SNTG1: variants seen among roughly 807,000 people sequenced by gnomAD.
The protein encoded by SNTG1 is gamma-1-syntrophin.
In SNTG1, 39 loss-of-function variants were observed where a neutral mutation model predicts 74.7. That is an observed-to-expected ratio of 0.52 (90% CI 0.40 to 0.68). SNTG1 has a LOEUF of 0.68. Among genes scored for constraint, SNTG1 ranks in the 30% least tolerant of loss-of-function variants. The pLI is 0.00. For missense variants in SNTG1, 685 were observed against 609.5 expected (o/e 1.12, Z -1.30); for synonymous variants, 254 against 217.1 (o/e 1.17, Z -1.49).
intron 17 of SNTG1, among the ~76,000 whole-genome samples, chr8:50,742,685 A>T (rs2095546117): frequency 6.6e-6 from 1 of 151,772 alleles, no homozygotes; most frequent in African/African-American, 2.4e-5. Context: ...AATAAAGATT[A>T]TAGTTGAAAA....
chr8:50,720,869 G>T (rs2095486146), intron 17 of SNTG1, among the ~76,000 whole-genome samples: 1 of 151,970 alleles, frequency 6.6e-6, no homozygotes, highest in South Asian at 2.1e-4. Flanking sequence ...TGTTGTTTTT[G>T]TTTTTTACCT....
intron 1 of SNTG1, among the ~76,000 whole-genome samples, chr8:50,081,379 A>G (rs1822391829): frequency 6.6e-6 from 1 of 152,150 alleles, no homozygotes; most frequent in Non-Finnish European, 1.5e-5. Flanking sequence ...TTAGACTACT[A>G]TGTGTAGATG....
intron 2 of SNTG1, among the ~76,000 whole-genome samples, chr8:50,262,706 G>A (rs1055424609): frequency 6.6e-6 from 1 of 152,068 alleles, no homozygotes; most frequent in African/African-American, 2.4e-5. Flanking sequence ...ACCGCGCCCG[G>A]CCCGAAATCT....
At chr8:50,725,551 G>T (rs1010420334) in intron 17 of SNTG1, among the ~76,000 whole-genome samples, 1 of 152,068 alleles carries the variant, frequency 6.6e-6, no homozygotes, top group Non-Finnish European at 1.5e-5. Context: ...AAACTCTACA[G>T]AATGGCCATT....
chr8:50,064,761 CT>C (rs1820767317), intron 1 of SNTG1, among the ~76,000 whole-genome samples: 1 of 152,126 alleles, frequency 6.6e-6, no homozygotes, highest in African/African-American at 2.4e-5. Flanking sequence ...CGTTTACCTC[CT>C]GGCTCCTTCT....
chr8:50,511,292 A>G (rs1408626820), intron 9 of SNTG1, among the ~76,000 whole-genome samples: 1 of 151,906 alleles, frequency 6.6e-6, no homozygotes, highest in Non-Finnish European at 1.5e-5. Flanking sequence ...AGTTTGTTAT[A>G]ATTTCTGTTC....
rs564656383 is a variant in SNTG1, at chr8:50,158,430, G to T, written c.-102-14131G>T. On this transcript the variant is annotated intron_variant, in intron 1 of 18. Transcript: ENST00000642720. ...GAGAGCACTGGGCAGAGTCCCCAGG[G>T]ATTGACAATACTCAGTGAATGCTAT... 9.9e-4 allele frequency among the ~76,000 whole-genome samples: 150 copies of T among 152,210 alleles called. 4 individuals are homozygous for T. The South Asian group carries it at 0.03, about 30-fold the overall frequency.
chr8:50,388,362 G>T (rs557762087), intron 2 of SNTG1, among the ~76,000 whole-genome samples: 7 of 152,234 alleles, frequency 4.6e-5, no homozygotes, highest in Admixed American at 3.9e-4. Context: ...TGGTGATATT[G>T]TGTGTATCTC....
At chr8:50,668,425 T>G (rs368153973) in intron 15 of SNTG1, among the ~76,000 whole-genome samples, 1 of 151,344 alleles carries the variant, frequency 6.6e-6, no homozygotes, top group East Asian at 1.9e-4. Flanking sequence ...TGTTTTTTTT[T>G]CCAAGGAGAG....
intron 15 of SNTG1, among the ~76,000 whole-genome samples, chr8:50,690,153 G>A (rs1378770278): frequency 6.6e-6 from 1 of 151,740 alleles, no homozygotes; most frequent in Non-Finnish European, 1.5e-5. Flanking sequence ...TTCTTTATTA[G>A]TCTTGCTAGC....
At chr8:50,528,227 G>A (rs2094237984) in intron 9 of SNTG1, among the ~76,000 whole-genome samples, 1 of 151,872 alleles carries the variant, frequency 6.6e-6, no homozygotes, top group South Asian at 2.1e-4. Context: ...TACTAGTGGG[G>A]AATAATCTAG....
chr8:49,917,394 A>T (rs1019276880), intron 1 of SNTG1, among the ~76,000 whole-genome samples: 16 of 152,220 alleles, frequency 1.1e-4, no homozygotes, highest in African/African-American at 3.9e-4. Context: ...CATGGGATTT[A>T]GAATCAGACT....
chr8:50,276,170 G>T (rs2088089663), intron 2 of SNTG1, among the ~76,000 whole-genome samples: 1 of 151,966 alleles, frequency 6.6e-6, no homozygotes. Context: ...CACAGTACAG[G>T]CCCACGGCAT....
intron 8 of SNTG1, among the ~76,000 whole-genome samples, chr8:50,489,715 T>A (rs111666912): frequency 0.13 from 20,376 of 152,200 alleles, 2,314 homozygotes; most frequent in African/African-American, 0.31. Context: ...TTTCTCCCAT[T>A]CTGTAGGTTG....
At chr8:50,450,861 G>A in intron 8 of SNTG1, 132 bp downstream of exon 8, 2 of 872,584 alleles carry the variant, frequency 2.3e-6, no homozygotes, top group Non-Finnish European at 3.4e-6. Context: ...ATTTTCAAAT[G>A]TTCTCTTAAT....
At chr8:50,467,090 A>T (rs1489079456) in intron 8 of SNTG1, among the ~76,000 whole-genome samples, 1 of 151,958 alleles carries the variant, frequency 6.6e-6, no homozygotes, top group Non-Finnish European at 1.5e-5. Context: ...ATTCACAATC[A>T]TTGTAGCTAT....
rs1479785025 is a variant in SNTG1 at position 50,536,704 on chromosome 8, G to A, written c.576G>A (p.Pro192=). ...NTDTLSCSSW[P]TSPGLRWEKR... Reference sequence around the variant, plus strand: ...ACACATTATCATGCTCGTCGTGGCCGACGTCTCCAGGCTTGAGGTGGGAGA... The same window carrying A: ...ACACATTATCATGCTCGTCGTGGCCAACGTCTCCAGGCTTGAGGTGGGAGA... The change falls in exon 11 of 19, where the codon CCG becomes CCA. Residue 192 remains proline, a synonymous_variant. Transcript: ENST00000642720. 26 of 1,613,850 alleles carry A rather than the reference G, an allele frequency of 1.6e-5. No individual in the cohort carries two copies. The highest frequency in any genetic ancestry group is 2.1e-5 in the Non-Finnish European group (25 of 1,179,820).
chr8:50,445,183 G>A (rs2093395374), intron 5 of SNTG1, among the ~76,000 whole-genome samples: 1 of 152,194 alleles, frequency 6.6e-6, no homozygotes, highest in Non-Finnish European at 1.5e-5. Context: ...TATGTTGGCA[G>A]GTAACGATAG....
At chr8:50,700,081 A>G (rs4873474) in intron 15 of SNTG1, among the ~76,000 whole-genome samples, 143,034 of 152,216 alleles carry the variant, frequency 0.94, 67,247 homozygotes, top group East Asian at 1. Context: ...ATCACCTTAT[A>G]ACAGCTCCTG....
Sources: gnomAD v4.1 joint callset for allele counts (sites outside exome capture counted in the v4.1 genomes callset) on GRCh38, gnomAD v4.1.1 for gene constraint, MANE v1.5 for transcripts, NCBI Gene and HGNC (gene_info 2026-07-23, HGNC 2026-07-21) for gene names.